Variants in EXOC2 observed in about 807,000 individuals in gnomAD.
EXOC2 encodes the protein exocyst complex component 2, also known as SEC5-like 1.
In EXOC2, 70 loss-of-function variants were observed where a neutral mutation model predicts 131.8. The ratio of observed to expected loss-of-function variants is 0.53; its 90% confidence interval spans 0.44 to 0.65. The LOEUF (loss-of-function observed/expected upper bound fraction) is 0.65. EXOC2 is among the 30% of genes least tolerant of loss of function. EXOC2 has a pLI of 0.00. For synonymous variants in EXOC2, 411 were observed against 398.4 expected, an observed-to-expected ratio of 1.03 and a Z score of -0.38; for missense variants, 923 against 1,108.6, an observed-to-expected ratio of 0.83 and a Z score of 2.38.
chr6:624,971 A>G (rs1474943270), intron 4 of EXOC2, among the ~76,000 whole-genome samples: 1 of 152,266 alleles, frequency 6.6e-6, no homozygotes, highest in African/African-American at 2.4e-5. Flanking sequence ...GTTAGGACTG[A>G]AAGTGACAGA....
intron 25 of EXOC2, among the ~76,000 whole-genome samples, chr6:493,029 T>G (rs1763526524): frequency 6.6e-6 from 1 of 152,206 alleles, no homozygotes; most frequent in African/African-American, 2.4e-5. Flanking sequence ...CTGACAATGA[T>G]AACTTGATGT....
intron 23 of EXOC2, among the ~76,000 whole-genome samples, chr6:530,192 G>GT (rs1765995397): frequency 6.6e-6 from 1 of 152,220 alleles, no homozygotes; most frequent in African/African-American, 2.4e-5. Flanking sequence ...CTAGAACACT[G>GT]TATAATGTAC....
At chr6:536,336 T>TA (rs35989522) in intron 22 of EXOC2, among the ~76,000 whole-genome samples, 26,999 of 152,080 alleles carry the variant, frequency 0.18, 2,974 homozygotes, top group African/African-American at 0.32. Context: ...TTCTATATAA[T>TA]AGACATCGAA....
At chr6:688,612 G>A (rs1764773277) in intron 1 of EXOC2, among the ~76,000 whole-genome samples, 3 of 152,162 alleles carry the variant, frequency 2.0e-5, no homozygotes, top group African/African-American at 4.8e-5. Context: ...AGGCAGTTCG[G>A]TGTTACTCTT....
intron 22 of EXOC2, among the ~76,000 whole-genome samples, chr6:543,603 G>A (rs1456443723): frequency 6.6e-6 from 1 of 152,210 alleles, no homozygotes; most frequent in Non-Finnish European, 1.5e-5. Flanking sequence ...TGATGAATAT[G>A]TTAATTAGTT....
intron 1 of EXOC2, chr6:656,743 T>G: frequency 6.3e-7 from 1 of 1,589,766 alleles, no homozygotes; most frequent in South Asian, 1.1e-5. Flanking sequence ...ACACCTTCCA[T>G]GCGAAACTGC....
chr6:658,816 C>T (rs1763283844), intron 1 of EXOC2, among the ~76,000 whole-genome samples: 1 of 151,570 alleles, frequency 6.6e-6, no homozygotes, highest in Admixed American at 6.6e-5. Context: ...CGCCTGCCAC[C>T]ATGCCCAGCT....
At chr6:642,444 C>T (rs1483765884) in intron 1 of EXOC2, among the ~76,000 whole-genome samples, 1 of 152,136 alleles carries the variant, frequency 6.6e-6, no homozygotes, top group Admixed American at 6.6e-5. Context: ...TTCACACACA[C>T]CTGGTATCAG....
At chr6:604,974 C>G (rs1025152529) in intron 7 of EXOC2, among the ~76,000 whole-genome samples, 3 of 152,116 alleles carry the variant, frequency 2.0e-5, no homozygotes, top group East Asian at 3.8e-4. Context: ...CCCACCAGAG[C>G]AGTATTATCA....
chr6:493,354 A>C (rs1429565010), intron 25 of EXOC2, among the ~76,000 whole-genome samples: 1 of 152,194 alleles, frequency 6.6e-6, no homozygotes, highest in Non-Finnish European at 1.5e-5. Flanking sequence ...TATTTTGTTT[A>C]TATTCTAGTA....
intron 1 of EXOC2, among the ~76,000 whole-genome samples, chr6:665,485 C>T (rs1156699664): frequency 2.0e-5 from 3 of 152,270 alleles, no homozygotes; most frequent in Admixed American, 1.3e-4. Flanking sequence ...CTTGCACATA[C>T]GTTTATAGCA....
chr6:541,600 T>C (rs1341601666), intron 22 of EXOC2, among the ~76,000 whole-genome samples: 1 of 135,080 alleles, frequency 7.4e-6, no homozygotes, highest in Non-Finnish European at 1.7e-5. Flanking sequence ...CAAGCGATAG[T>C]AAGTACAAAT....
intron 17 of EXOC2, among the ~76,000 whole-genome samples, chr6:558,720 G>A (rs2127578407): frequency 6.6e-6 from 1 of 152,190 alleles, no homozygotes; most frequent in East Asian, 1.9e-4. Flanking sequence ...GGCTGAGGCA[G>A]GAGAATCACT....
chr6:535,503 A>G (rs572322755), intron 22 of EXOC2, among the ~76,000 whole-genome samples: 1 of 152,352 alleles, frequency 6.6e-6, no homozygotes, highest in Admixed American at 6.5e-5. Context: ...ACATTCCTAT[A>G]GATCCTGAAG....
At chr6:647,336 T>G (rs1011673724) in intron 1 of EXOC2, among the ~76,000 whole-genome samples, 1 of 151,774 alleles carries the variant, frequency 6.6e-6, no homozygotes, top group African/African-American at 2.4e-5. Context: ...AGATGATTAG[T>G]ACAAACATCA....
At chr6:641,684 C>T (rs1762359751) in intron 1 of EXOC2, among the ~76,000 whole-genome samples, 1 of 152,168 alleles carries the variant, frequency 6.6e-6, no homozygotes, top group Non-Finnish European at 1.5e-5. Flanking sequence ...CTCTCCTTCC[C>T]TCTGGCACCC....
At chr6:630,095 A>G (rs879300102) in intron 3 of EXOC2, 134 bp from the exon 4 acceptor site, 15 of 1,110,060 alleles carry the variant, frequency 1.4e-5, no homozygotes, top group South Asian at 4.9e-5. Context: ...ATTTGAGGAC[A>G]TAACAGCTAA....
intron 11 of EXOC2, among the ~76,000 whole-genome samples, chr6:580,789 T>C (rs1199700690): frequency 6.6e-6 from 1 of 152,190 alleles, no homozygotes; most frequent in Non-Finnish European, 1.5e-5. Flanking sequence ...TCTGACTCTA[T>C]GATTCAAAGT....
chr6:675,701 A>C (rs201072002), intron 1 of EXOC2, among the ~76,000 whole-genome samples: 1,531 of 57,048 alleles, frequency 0.027, 63 homozygotes, highest in East Asian at 0.097. Context: ...GTTCCTCTGG[A>C]GACTGCGGTT....
Sources: gnomAD v4.1 joint callset for allele counts (sites outside exome capture counted in the v4.1 genomes callset) on GRCh38, gnomAD v4.1.1 for gene constraint, MANE v1.5 for transcripts, NCBI Gene and HGNC (gene_info 2026-07-23, HGNC 2026-07-21) for gene names.